Variants in CACNA1B observed in about 807,000 individuals in gnomAD.
CACNA1B encodes the protein calcium voltage-gated channel subunit alpha1 B, also known as voltage-dependent N-type calcium channel subunit alpha-1B.
A neutral mutation model predicts 247.2 loss-of-function variants in CACNA1B; 70 were observed. The ratio of observed to expected loss-of-function variants is 0.28; its 90% confidence interval spans 0.23 to 0.35. CACNA1B has a LOEUF of 0.35. CACNA1B is among the 10% of genes least tolerant of loss of function. The probability of loss-of-function intolerance (pLI) is 1.00; values close to 1 mark genes in which losing one functional copy is unlikely to be tolerated. For missense variants in CACNA1B, 2,367 were observed against 3,197.4 expected (o/e 0.74, Z 6.26); for synonymous variants, 1,231 against 1,294.4 (o/e 0.95, Z 1.05).
At chr9:138,099,494 CCTGTGGTGTGCACGTGT>C (rs897106255) in intron 37 of CACNA1B, among the ~76,000 whole-genome samples, 17 of 150,706 alleles carry the variant, frequency 1.1e-4, no homozygotes, top group African/African-American at 3.4e-4. Context: ...CCCGTGTGTG[CCTGTGGTGTGCACGTGT>C]CTGTGGTGTG....
At chr9:138,046,625 C>G (rs1470876515) in intron 21 of CACNA1B, among the ~76,000 whole-genome samples, 2 of 152,240 alleles carry the variant, frequency 1.3e-5, no homozygotes, top group Non-Finnish European at 2.9e-5. Context: ...ACAGGTCTCC[C>G]TATCTGGCCT....
intron 15 of CACNA1B, among the ~76,000 whole-genome samples, chr9:138,006,236 T>G (rs1958648025): frequency 6.6e-6 from 1 of 152,012 alleles, no homozygotes; most frequent in Non-Finnish European, 1.5e-5. Flanking sequence ...TCTTGTATGT[T>G]TCCAAAAATT....
chr9:137,977,191 A>G (rs56386560), intron 12 of CACNA1B, among the ~76,000 whole-genome samples: 9 of 3,756 alleles, frequency 2.4e-3, no homozygotes, highest in South Asian at 0.019. Context: ...CAACTTATGT[A>G]GGTGGGGAGG....
chr9:138,001,605 G>A (rs1259462946), intron 15 of CACNA1B, among the ~76,000 whole-genome samples: 1 of 151,858 alleles, frequency 6.6e-6, no homozygotes, highest in Non-Finnish European at 1.5e-5. Flanking sequence ...GAAGTAAAAA[G>A]ACTGAAAAGG....
chr9:137,967,543 T>C (rs931949593), intron 10 of CACNA1B, among the ~76,000 whole-genome samples: 1 of 152,156 alleles, frequency 6.6e-6, no homozygotes, highest in African/African-American at 2.4e-5. Context: ...GTCTCCTCCG[T>C]TTTAACTCTG....
At position 138,057,642 on chromosome 9, in the gene CACNA1B, T is replaced by C; in HGVS notation, c.3969-90T>C. On this transcript the variant is annotated intron_variant, in intron 26 of 46. Coordinates refer to ENST00000371372, the MANE Select transcript of CACNA1B (RefSeq NM_000718.4). This position sits in a 1 kb window ranked among gnomAD's most constrained non-coding sequence, Gnocchi z 4.0. ...ACAGTCTGTTGGAGAGGCCATTCTT[T>C]CCCCACGGAATGGTTTCAACACTCT... The C allele has an allele frequency of 7.7e-7, 1 of 1,305,250 alleles. No individual in the cohort carries two copies. 80.9% of individuals were successfully genotyped at this position (1,305,250 alleles called of 1,614,324 possible).
rs1959300618 is a variant in CACNA1B at position 138,052,031 on chromosome 9, C to T, written c.3711-61C>T. ...GCAGGACTCAGACCCTGGGGGGCCACGTGGGAGCTGGGCACACCCATGCCT... is the reference window on the plus strand; with the variant it reads ...GCAGGACTCAGACCCTGGGGGGCCATGTGGGAGCTGGGCACACCCATGCCT... On this transcript the variant is annotated intron_variant, in intron 24 of 46. Transcript: ENST00000371372. The surrounding 1 kb of genome is among the most constrained non-coding windows in gnomAD (Gnocchi z 5.1). 16 of 960,882 alleles carry T rather than the reference C, an allele frequency of 1.7e-5. No individual in the cohort carries two copies. Among genetic ancestry groups the T allele is most frequent in the East Asian group, 5.0e-5 (2 of 40,006 alleles). 59.5% of individuals were successfully genotyped at this position (960,882 alleles called of 1,614,324 possible).
intron 15 of CACNA1B, among the ~76,000 whole-genome samples, chr9:137,996,918 A>C (rs1958508010): frequency 6.6e-6 from 1 of 151,546 alleles, no homozygotes; most frequent in Non-Finnish European, 1.5e-5. Context: ...CAAACACAGA[A>C]GCAAAGCATC....
intron 6 of CACNA1B, among the ~76,000 whole-genome samples, chr9:137,946,186 T>A (rs1957794286): frequency 6.6e-6 from 1 of 152,194 alleles, no homozygotes; most frequent in Non-Finnish European, 1.5e-5. Context: ...AGATGCCTTT[T>A]TATATAATAT....
rs34196125 is a variant in CACNA1B, at chr9:138,118,810, G to A, written c.6030+42G>A. On this transcript the variant is annotated intron_variant, in intron 44 of 46. Transcript: ENST00000371372. ...GGTCCAGGCCCTGGGCTGGGCAAGT[G>A]GGGGGTGGGGAAGTGGGGCTGTGGC... 3.0e-4 allele frequency: 261 copies of A among 877,606 alleles called. 7 individuals carry two copies. The highest frequency in any genetic ancestry group is 2.8e-3 in the South Asian group (190 of 67,566). 54.4% of individuals were successfully genotyped at this position (877,606 alleles called of 1,614,324 possible).
rs945005263 is a variant in CACNA1B, at chr9:137,955,075, A to G, written c.1071-623A>G. Among the ~76,000 whole-genome samples, 1 of 152,034 alleles carries G rather than the reference A, an allele frequency of 6.6e-6. No homozygotes were observed. The highest frequency in any genetic ancestry group is 2.4e-5 in the African/African-American group (1 of 41,410). On this transcript the variant is annotated intron_variant, in intron 7 of 46. Transcript: ENST00000371372. The surrounding 1 kb of genome is among the most constrained non-coding windows in gnomAD (Gnocchi z 6.9). Reference sequence around the variant, plus strand: ...GGCTGGGGTGAGATGTCGGGGGCCAATGACAGAAGGTCTCCTCTCCTGCTC... The same window carrying G: ...GGCTGGGGTGAGATGTCGGGGGCCAGTGACAGAAGGTCTCCTCTCCTGCTC...
intron 20 of CACNA1B, among the ~76,000 whole-genome samples, chr9:138,026,657 GTTTA>G (rs777270581): frequency 2.6e-5 from 4 of 152,162 alleles, no homozygotes; most frequent in African/African-American, 4.8e-5. Flanking sequence ...GCATACCACA[GTTTA>G]TTTATTCACC....
In CACNA1B at chr9:138,059,526, C is replaced by T. The variant is rs1187202922; in HGVS notation, c.4585-128C>T. 3 of 680,726 alleles carry T rather than the reference C, an allele frequency of 4.4e-6. No homozygotes were observed. Among genetic ancestry groups the T allele is most frequent in the East Asian group, 5.0e-5 (2 of 40,044 alleles). The allele number at this position is 680,726 out of a possible 1,614,324, so 42.2% of individuals were successfully genotyped here. A position where few individuals can be genotyped will look rare whatever the true frequency, so the allele number is the denominator to read the frequency against. On this transcript the variant is annotated intron_variant, in intron 30 of 46. Coordinates refer to ENST00000371372, the MANE Select transcript of CACNA1B (RefSeq NM_000718.4). The surrounding 1 kb of genome is among the most constrained non-coding windows in gnomAD (Gnocchi z 4.2). The stretch of plus-strand genomic sequence containing the variant: ...CTTGTGCTGTGCCCCCTGGGGTGGC[C>T]TGTCTGCCCTGTGCTCAGGGTCTAT...
chr9:138,078,509 C>G (rs147397655), intron 36 of CACNA1B, among the ~76,000 whole-genome samples: 2 of 152,342 alleles, frequency 1.3e-5, no homozygotes, highest in Non-Finnish European at 2.9e-5. Context: ...GGCAACTGTT[C>G]CTTAACTTCC....
chr9:137,961,514 G>A (rs1958021227), intron 10 of CACNA1B, among the ~76,000 whole-genome samples: 1 of 152,058 alleles, frequency 6.6e-6, no homozygotes. Context: ...TGTCATATAT[G>A]TCTCTTATTA....
At position 138,100,652 on chromosome 9, in the gene CACNA1B, T is replaced by A. The variant is rs1174202241; in HGVS notation, c.5223-2059T>A. Among the ~76,000 whole-genome samples the A allele has an allele frequency of 1.3e-5, 2 of 152,088 alleles. No individual in the cohort carries two copies. The highest frequency in any genetic ancestry group is 2.9e-5 in the Non-Finnish European group (2 of 68,010). On this transcript the variant is annotated intron_variant, in intron 37 of 46. Coordinates refer to ENST00000371372, the MANE Select transcript of CACNA1B (RefSeq NM_000718.4). This position sits in a 1 kb window ranked among gnomAD's most constrained non-coding sequence, Gnocchi z 4.6. The stretch of plus-strand genomic sequence containing the variant: ...GGAGGTCCTTAGCTGGACCAGGGCT[T>A]CCAGGGGAGGACACAGAGTGTTCAG...
chr9:138,111,428 G>A (rs183541730), intron 39 of CACNA1B, among the ~76,000 whole-genome samples: 182 of 152,330 alleles, frequency 1.2e-3, no homozygotes, highest in Admixed American at 4.2e-3. Flanking sequence ...TGCCATTGGC[G>A]TGACATTCTG....
intron 46 of CACNA1B, 21 bp downstream of exon 46, chr9:138,120,902 G>A (rs1338544571): frequency 6.5e-7 from 1 of 1,545,684 alleles, no homozygotes; most frequent in Non-Finnish European, 8.7e-7. Context: ...TAGGTGGAGA[G>A]GTCAGGGCCC....
chr9:138,110,243 T>C (rs1038250981), intron 39 of CACNA1B, among the ~76,000 whole-genome samples: 2 of 152,170 alleles, frequency 1.3e-5, no homozygotes, highest in Admixed American at 6.5e-5. Context: ...GCCTCCCAAG[T>C]AGCTGGGATT....
Sources: allele counts gnomAD v4.1 joint callset (sites outside exome capture counted in the v4.1 genomes callset), GRCh38; gene constraint gnomAD v4.1.1; non-coding constraint Gnocchi (gnomAD v3.1); transcripts MANE v1.5; gene names NCBI Gene and HGNC (gene_info 2026-07-23, HGNC 2026-07-21).